MUC4: variants seen among roughly 807,000 people sequenced by gnomAD.
MUC4 encodes the protein mucin-4.
In MUC4, 202 loss-of-function variants were observed where a neutral mutation model predicts 257.9. That is an observed-to-expected ratio of 0.78 (90% CI 0.70 to 0.88). The LOEUF (loss-of-function observed/expected upper bound fraction) is 0.88, where lower values mean the gene tolerates loss of function less well. Among genes scored for constraint, MUC4 ranks in the 40% least tolerant of loss-of-function variants. MUC4 has a pLI of 0.00. For missense variants in MUC4, 5,976 were observed against 6,513.7 expected (o/e 0.92, Z 2.84); for synonymous variants, 2,351 against 2,757.1 (o/e 0.85, Z 4.62).
chr3:195,782,679 G>C lies in MUC4; in HGVS notation c.8901C>G (p.Ser2967=), dbSNP rs1307128087. The C allele has an allele frequency of 1.6e-6, 2 of 1,278,772 alleles. No homozygotes were observed. The highest frequency in any genetic ancestry group is 1.3e-5 in the South Asian group (1 of 74,680). 79.2% of individuals were successfully genotyped at this position (1,278,772 alleles called of 1,614,324 possible). A position where few individuals can be genotyped will look rare whatever the true frequency, so the allele number is the denominator to read the frequency against. ...HATSLPVTDT[S]SASTGHATPL... ...GGGTGGCGTGACCTGTGGATGCTGAGGAAGTGTCGGTGACAGGAAGAGAGG... is the reference window on the plus strand; with the variant it reads ...GGGTGGCGTGACCTGTGGATGCTGACGAAGTGTCGGTGACAGGAAGAGAGG... Residue 2967 remains serine, a synonymous_variant, in exon 2 of 25, where the codon TCC becomes TCG. Coordinates refer to ENST00000463781, the MANE Select transcript of MUC4 (RefSeq NM_018406.7).
Position 195,781,374 on chromosome 3 carries a change from G to A in MUC4, c.10206C>T (p.Ser3402=), listed in dbSNP as rs1727851321. The A allele has an allele frequency of 6.7e-7, 1 of 1,485,320 alleles. No individual in the cohort carries two copies. The highest frequency in any genetic ancestry group is 1.5e-5 in the African/African-American group (1 of 68,336). 92.0% of individuals were successfully genotyped at this position (1,485,320 alleles called of 1,614,324 possible). Residue 3402 remains serine, a synonymous_variant, in exon 2 of 25, where the codon TCC becomes TCT. Coordinates refer to ENST00000463781, the MANE Select transcript of MUC4 (RefSeq NM_018406.7). ...CAGGAAGAGGCATGGTGTCACCTGT[G>A]GATACTGAGGAAGTGTTGGTGACAG... The part of the protein sequence containing the change: ...PLPVTNTSSV[S]TGDTMPLPVT...
Position 195,762,767 on chromosome 3 carries a change from C to G in MUC4, c.14344+88G>C, listed in dbSNP as rs1321423701. 4 of 1,257,332 alleles carry G rather than the reference C, an allele frequency of 3.2e-6. No individual in the cohort carries two copies. In the African/African-American group the frequency reaches 4.8e-5, roughly 15 times the overall value. 77.9% of individuals were successfully genotyped at this position (1,257,332 alleles called of 1,614,324 possible). ...CAACGCACCCGGCCCTGCACCGCCA[C>G]GCGCCCGGCCCTGCACCGCAACGCG... On this transcript the variant is annotated intron_variant, in intron 13 of 24. Transcript: ENST00000463781.
chr3:195,788,701 G>A lies in MUC4; in HGVS notation c.2879C>T (p.Ser960Leu), dbSNP rs1578421369. Residue 960 changes from serine to leucine, a missense_variant, in exon 2 of 25, where the codon TCA (serine) becomes TTA (leucine). Around this residue, in one of 44 missense-constraint regions of MUC4, gnomAD observed 1,583 missense variants for 1,257.4 expected, o/e 1.26. Coordinates refer to ENST00000463781, the MANE Select transcript of MUC4 (RefSeq NM_018406.7). ...PQTETHTLSP[S>L]GSGKTFTTAL... ...CGTGGTGAAGGTTTTACCAGACCCTGAAGGTGACAGAGTGTGGGTCTCGGT... is the reference window on the plus strand; with the variant it reads ...CGTGGTGAAGGTTTTACCAGACCCTAAAGGTGACAGAGTGTGGGTCTCGGT... 6.2e-7 allele frequency: 1 copy of A among 1,613,748 alleles called. No homozygotes were observed.
intron 2 of MUC4, 141 bp downstream of exon 2, chr3:195,778,649 C>T: frequency 3.2e-6 from 4 of 1,247,770 alleles, no homozygotes; most frequent in Non-Finnish European, 4.4e-6. Context: ...TCACCCACCA[C>T]ACCCATCACC....
intron 1 of MUC4, among the ~76,000 whole-genome samples, chr3:195,803,443 C>T (rs1735599986): frequency 6.6e-6 from 1 of 152,218 alleles, no homozygotes; most frequent in Non-Finnish European, 1.5e-5. Flanking sequence ...ATAATATAAA[C>T]TCTCTGCAAG....
At position 195,756,886 on chromosome 3, in the gene MUC4, C is replaced by T. The variant is rs1277208381; in HGVS notation, c.15168+261G>A. The stretch of plus-strand genomic sequence containing the variant: ...CCATGTTGGTCAGGATGGTCTCGAT[C>T]TCCTGACCTTGTGATCCGCTTGCCT... On this transcript the variant is annotated intron_variant, in intron 18 of 24. Transcript: ENST00000463781. Among the ~76,000 whole-genome samples, 5 of 152,150 alleles carry T rather than the reference C, an allele frequency of 3.3e-5. No individual in the cohort carries two copies. In the South Asian group the frequency reaches 8.3e-4, roughly 25 times the overall value.
At position 195,754,128 on chromosome 3, in the gene MUC4, G is replaced by T. The variant is rs1717037506; in HGVS notation, c.15328+85C>A. The T allele has an allele frequency of 1.0e-5, 15 of 1,466,258 alleles. No individual in the cohort carries two copies. In the South Asian group the frequency reaches 1.9e-4, roughly 19 times the overall value. 90.8% of individuals were successfully genotyped at this position (1,466,258 alleles called of 1,614,324 possible). On this transcript the variant is annotated intron_variant, in intron 19 of 24. Transcript: ENST00000463781. ...CTAAAGATCTGCTGGAAAAAGGAGAGAAATGGTTTGCCTTTGGCTGTCTAC... is the reference window on the plus strand; with the variant it reads ...CTAAAGATCTGCTGGAAAAAGGAGATAAATGGTTTGCCTTTGGCTGTCTAC...
intron 3 of MUC4, among the ~76,000 whole-genome samples, chr3:195,777,812 A>G (rs1343311457): frequency 6.1e-5 from 4 of 65,832 alleles, no homozygotes; most frequent in South Asian, 7.6e-4. Context: ...TTCCACACCC[A>G]TACCTTCCAC....
chr3:195,747,352 A>G lies in MUC4; in HGVS notation c.16063T>C (p.Trp5355Arg), dbSNP rs1377646485. 1 of 1,614,026 alleles carries G rather than the reference A, an allele frequency of 6.2e-7. No homozygotes were observed. The highest frequency in any genetic ancestry group is 1.1e-5 in the South Asian group (1 of 91,082). ...SCVSFSIYTA[W>R]GEHCEHLSMK... ...CTCAGGTGCTCACAGTGCTCGCCCCAGGCCGTGTAGATGGAGAAGGACACA... is the reference window on the plus strand; with the variant it reads ...CTCAGGTGCTCACAGTGCTCGCCCCGGGCCGTGTAGATGGAGAAGGACACA... Residue 5355 changes from tryptophan to arginine, a missense_variant, in exon 25 of 25, where the codon TGG becomes CGG. Trp to Arg is a moderately radical substitution (Grantham distance 101). Coordinates refer to ENST00000463781, the MANE Select transcript of MUC4 (RefSeq NM_018406.7).
chr3:195,753,419 A>G (rs1180164971), intron 19 of MUC4, 189 bp from the exon 20 acceptor site: 1 of 588,450 alleles, frequency 1.7e-6, no homozygotes, highest in African/African-American at 1.9e-5. Context: ...CCCCGGCCAG[A>G]CAGGTATTCT....
At chr3:195,793,188 TG>T (rs1204165290) in intron 1 of MUC4, among the ~76,000 whole-genome samples, 16 of 151,304 alleles carry the variant, frequency 1.1e-4, no homozygotes, top group Non-Finnish European at 1.9e-4. Flanking sequence ...TGTACATATT[TG>T]GGGGATAAAA....
At chr3:195,805,878 G>A (rs1351326431) in intron 1 of MUC4, among the ~76,000 whole-genome samples, 1 of 151,802 alleles carries the variant, frequency 6.6e-6, no homozygotes, top group Non-Finnish European at 1.5e-5. Context: ...CACTTTGGGA[G>A]GCCAAGGTAA....
intron 1 of MUC4, among the ~76,000 whole-genome samples, chr3:195,800,824 G>A (rs1441487209): frequency 6.6e-6 from 1 of 151,494 alleles, no homozygotes. Context: ...ACAGGCAGAG[G>A]CGGGAGGATT....
intron 10 of MUC4, 105 bp from the exon 11 acceptor site, chr3:195,764,269 AGAGCTTGGCAGGGCAGGG>A: frequency 1.6e-6 from 2 of 1,286,572 alleles, no homozygotes; most frequent in South Asian, 2.8e-5. Flanking sequence ...GTGTTGGTGG[AGAGCTTGGCAGGGCAGGG>A]CGGTGTTGGT....
At position 195,762,073 on chromosome 3, in the gene MUC4, C is replaced by G. The variant is rs370069911; in HGVS notation, c.14512+14G>C. 3.2e-6 allele frequency: 5 copies of G among 1,575,192 alleles called. No homozygotes were observed. Among genetic ancestry groups the G allele is most frequent in the East Asian group, 2.3e-5 (1 of 43,040 alleles). On this transcript the variant is annotated intron_variant, in intron 14 of 24. Coordinates refer to ENST00000463781, the MANE Select transcript of MUC4 (RefSeq NM_018406.7). ...CTCCGCGGAGCCTCAGAGGCAGGTC[C>G]GAGCCGCCCTCACCCAGGAGCCCCT... is the stretch of plus-strand genomic sequence containing the variant.
intron 7 of MUC4, among the ~76,000 whole-genome samples, chr3:195,767,588 C>CACCATTACCATTGCCACCACCAT (rs1721187019): frequency 9.2e-6 from 1 of 108,964 alleles, no homozygotes. Context: ...ACCACCATCA[C>CACCATTACCATTGCCACCACCAT]CACCACCACC....
At chr3:195,798,715 T>A (rs1380974269) in intron 1 of MUC4, among the ~76,000 whole-genome samples, 3 of 152,014 alleles carry the variant, frequency 2.0e-5, no homozygotes, top group Non-Finnish European at 4.4e-5. Flanking sequence ...AAAAAAAAAT[T>A]AAAAATTAAA....
rs368142455 is a variant in MUC4 at position 195,790,663 on chromosome 3, G to C, written c.917C>G (p.Ser306Ter). ...AGAAGTCCTTGAGAAAGTTGCTGGTGATTGTCCTTCTGGATCAAATGTTAC... is the reference window on the plus strand; with the variant it reads ...AGAAGTCCTTGAGAAAGTTGCTGGTCATTGTCCTTCTGGATCAAATGTTAC... Reference protein sequence around the residue: ...ALVTFDPEGQSPATFSRTSTQ... With the variant: ...ALVTFDPEGQ Residue 306 changes from serine to a stop codon, truncating the protein, a stop_gained, in exon 2 of 25, where the codon TCA (serine) becomes TGA (stop). Coordinates refer to ENST00000463781, the MANE Select transcript of MUC4 (RefSeq NM_018406.7). LOFTEE classifies it high-confidence loss of function. 3.7e-6 allele frequency: 6 copies of C among 1,614,040 alleles called. No individual in the cohort carries two copies. Among genetic ancestry groups the C allele is most frequent in the Middle Eastern group, 1.6e-4 (1 of 6,062 alleles).
At position 195,747,093 on chromosome 3, in the gene MUC4, C is replaced by T. The variant is rs1417192319; in HGVS notation, c.*83G>A. 9 of 1,549,240 alleles carry T rather than the reference C, an allele frequency of 5.8e-6. No individual in the cohort carries two copies. The highest frequency in any genetic ancestry group is 8.0e-6 in the Non-Finnish European group (9 of 1,127,558). On this transcript the variant is annotated 3_prime_UTR_variant, in exon 25 of 25. Coordinates refer to ENST00000463781, the MANE Select transcript of MUC4 (RefSeq NM_018406.7). ...ACAGCCTTCAGTCACCTTCCCTTTT[C>T]CAGTCTCCCAAAAGCAATGGCGCCT...
Sources: gnomAD v4.1 joint callset for allele counts (sites outside exome capture counted in the v4.1 genomes callset) on GRCh38, gnomAD v4.1.1 for gene constraint, gnomAD v4.1.1 regional missense constraint, MANE v1.5 for transcripts, NCBI Gene and HGNC (gene_info 2026-07-23, HGNC 2026-07-21) for gene names.